The following MYB variants were observed in gnomAD, a reference collection of about 807,000 sequenced individuals.
MYB encodes transcriptional activator Myb.
A neutral mutation model predicts 92.9 loss-of-function variants in MYB; 28 were observed. The observed-to-expected ratio is 0.30, with a 90% confidence interval of 0.22 to 0.41. MYB has a LOEUF of 0.41. Among genes scored for constraint, MYB ranks in the 10% least tolerant of loss-of-function variants. The pLI, the probability that MYB is intolerant of heterozygous loss-of-function variation, is 1.00. For synonymous variants in MYB, 295 were observed against 329.1 expected, an observed-to-expected ratio of 0.90 and a Z score of 1.12; for missense variants, 679 against 929.3, an observed-to-expected ratio of 0.73 and a Z score of 3.50.
chr6:135,209,364 G>A (rs192079340), intron 15 of MYB, among the ~76,000 whole-genome samples: 1 of 152,312 alleles, frequency 6.6e-6, no homozygotes, highest in East Asian at 1.9e-4. Context: ...TTCCCAAGTA[G>A]TTGGGATTAC....
intron 15 of MYB, 58 bp downstream of exon 15, chr6:135,203,382 TTGGTGGTGG>T (rs56247805): frequency 3.6e-6 from 4 of 1,117,630 alleles, no homozygotes; most frequent in East Asian, 2.4e-5. Context: ...ACTGTCATCT[TTGGTGGTGG>T]TGGTGGTGGT....
rs139664263 is a variant in MYB at position 135,209,856 on chromosome 6, A to G, written c.2169+6532A>G. On this transcript the variant is annotated intron_variant, in intron 15 of 15. Transcript: ENST00000341911. ...ATATATGAGATTTTCATGTCATATC[A>G]TTGTCAGTATTCAGCCTTTTCTCCA... Among the ~76,000 whole-genome samples the G allele has an allele frequency of 2.3e-4, 35 of 152,296 alleles. No homozygotes were observed. The East Asian group carries it at 4.8e-3, about 21-fold the overall frequency.
At chr6:135,215,723 G>A (rs927280301) in intron 15 of MYB, among the ~76,000 whole-genome samples, 1 of 151,516 alleles carries the variant, frequency 6.6e-6, no homozygotes, top group Non-Finnish European at 1.5e-5. Context: ...CTGCTATCTC[G>A]CTCCCTGGAT....
intron 15 of MYB, among the ~76,000 whole-genome samples, chr6:135,204,789 T>C (rs9389278): frequency 0.45 from 68,966 of 151,946 alleles, 16,341 homozygotes; most frequent in African/African-American, 0.6. Flanking sequence ...AGGCTGGAGT[T>C]GGCCCCGTGT....
At position 135,208,452 on chromosome 6, in the gene MYB, G is replaced by C. The variant is rs549024702; in HGVS notation, c.2169+5128G>C. Among the ~76,000 whole-genome samples the C allele has an allele frequency of 3.9e-5, 6 of 151,918 alleles. No individual in the cohort carries two copies. In the East Asian group the frequency reaches 1.2e-3, roughly 29 times the overall value. ...GCTGGAGTGCAGTGGCAAGATCATGGCTCACTGCAGCCTACCTCCTGGACT... is the reference window on the plus strand; with the variant it reads ...GCTGGAGTGCAGTGGCAAGATCATGCCTCACTGCAGCCTACCTCCTGGACT... On this transcript the variant is annotated intron_variant, in intron 15 of 15. Transcript: ENST00000341911.
chr6:135,181,633 A>G lies in MYB; in HGVS notation c.23+97A>G. The stretch of plus-strand genomic sequence containing the variant: ...GCAGGTGGGAATTCGTTCCGGGATC[A>G]TCTGAGGGGCTGTCAGACCCTCCGA... On this transcript the variant is annotated intron_variant, in intron 1 of 15. Coordinates refer to ENST00000341911, the MANE Select transcript of MYB (RefSeq NM_001130173.2). This position sits in a 1 kb window ranked among gnomAD's most constrained non-coding sequence, Gnocchi z 5.3. 1 of 903,790 alleles carries G rather than the reference A, an allele frequency of 1.1e-6. No homozygotes were observed. The highest frequency in any genetic ancestry group is 1.4e-6 in the Non-Finnish European group (1 of 713,808). 56.0% of individuals were successfully genotyped at this position (903,790 alleles called of 1,614,324 possible).
At chr6:135,192,739 G>A in intron 6 of MYB, among the ~76,000 whole-genome samples, 181 bp downstream of exon 6, 1 of 152,154 alleles carries the variant, frequency 6.6e-6, no homozygotes. Flanking sequence ...CCTGGTTTAT[G>A]TCTCCAGAAA....
chr6:135,201,797 C>T (rs753162067), intron 14 of MYB, 48 bp downstream of exon 14: 1 of 1,191,850 alleles, frequency 8.4e-7, no homozygotes, highest in South Asian at 2.1e-5. Flanking sequence ...ACACTGGTGC[C>T]TCATGAAATC....
intron 7 of MYB, 95 bp downstream of exon 7, chr6:135,194,013 T>A: frequency 9.9e-7 from 1 of 1,005,646 alleles, no homozygotes; most frequent in Non-Finnish European, 1.5e-6. Context: ...GCAACTAAAG[T>A]AAAAAGGAAA....
At chr6:135,196,900 C>G in intron 9 of MYB, 61 bp from the exon 10 acceptor site, 1 of 1,586,666 alleles carries the variant, frequency 6.3e-7, no homozygotes, top group Non-Finnish European at 8.6e-7. Context: ...TCTCTCAGTG[C>G]TGTTTCAGGT....
Position 135,192,354 on chromosome 6 carries a change from T to C in MYB, c.558T>C (p.Asn186=), listed in dbSNP as rs370008555. 7 of 1,614,100 alleles carry C rather than the reference T, an allele frequency of 4.3e-6. No individual in the cohort carries two copies. In the African/African-American group the frequency reaches 8.0e-5, roughly 18 times the overall value. ...RTDNAIKNHW[N]STMRRKVEQE... ...ATAATGCTATCAAGAACCACTGGAA[T>C]TCTACAATGCGTCGGAAGGTCGAAC... Residue 186 remains asparagine, a synonymous_variant, in exon 6 of 16, where the codon AAT becomes AAC. Coordinates refer to ENST00000341911, the MANE Select transcript of MYB (RefSeq NM_001130173.2).
Position 135,192,473 on chromosome 6 carries a change from C to T in MYB, c.677C>T (p.Ala226Val), listed in dbSNP as rs768694674. The T allele has an allele frequency of 3.7e-6, 6 of 1,614,248 alleles. No individual in the cohort carries two copies. The Admixed American group carries it at 8.3e-5, about 22-fold the overall frequency. ...AGTCATTTGATGGGTTTTGCTCAGG[C>T]TCCGCCTACAGCTCAACTCCCTGCC... ...KNSHLMGFAQ[A>V]PPTAQLPATG... is the part of the protein sequence containing the mutation. The change falls in exon 6 of 16, where the codon GCT becomes GTT. Residue 226 changes from alanine (A) to valine (V), a missense_variant. Physicochemically the swap from Ala to Val is moderately conservative, Grantham distance 64. Coordinates refer to ENST00000341911, the MANE Select transcript of MYB (RefSeq NM_001130173.2).
chr6:135,197,331 A>G lies in MYB; in HGVS notation c.1566+8A>G, dbSNP rs765708928. On this transcript the variant is annotated splice_region_variant and intron_variant, in intron 10 of 15. Coordinates refer to ENST00000341911, the MANE Select transcript of MYB (RefSeq NM_001130173.2). ...CCCTTCTCTCCCTCGCAGGTAGAAC[A>G]CAATTTCTGCACAGCTGTTACTCAT... The G allele has an allele frequency of 3.6e-5, 57 of 1,590,686 alleles. No homozygotes were observed. Among genetic ancestry groups the G allele is most frequent in the Non-Finnish European group, 4.6e-5 (54 of 1,165,052 alleles).
chr6:135,198,808 G>A (rs1777678478), intron 10 of MYB, 100 bp from the exon 11 acceptor site: 1 of 919,194 alleles, frequency 1.1e-6, no homozygotes, highest in Non-Finnish European at 1.6e-6. Flanking sequence ...AATATAGTGG[G>A]TCAGGAAAAC....
At chr6:135,187,161 G>A (rs757747759) in intron 2 of MYB, among the ~76,000 whole-genome samples, 7 of 152,224 alleles carry the variant, frequency 4.6e-5, no homozygotes, top group Non-Finnish European at 8.8e-5. Context: ...TGGTAGGATT[G>A]TGAACAGCAT....
At chr6:135,194,264 T>G in intron 7 of MYB, 92 bp from the exon 8 acceptor site, 1 of 944,590 alleles carries the variant, frequency 1.1e-6, no homozygotes, top group Non-Finnish European at 1.6e-6. Context: ...CTTTGGGCTG[T>G]GCGGCACCTC....
chr6:135,212,558 C>T (rs1779893175), intron 15 of MYB, among the ~76,000 whole-genome samples: 1 of 152,096 alleles, frequency 6.6e-6, no homozygotes, highest in Non-Finnish European at 1.5e-5. Context: ...CTTTGACAGA[C>T]TGTTTATAGT....
chr6:135,213,621 C>A (rs1396319632), intron 15 of MYB, among the ~76,000 whole-genome samples: 1 of 152,144 alleles, frequency 6.6e-6, no homozygotes, highest in African/African-American at 2.4e-5. Flanking sequence ...GTGGCTCATG[C>A]CTGTAATCCC....
At chr6:135,194,297 T>C in intron 7 of MYB, 59 bp from the exon 8 acceptor site, 1 of 1,287,156 alleles carries the variant, frequency 7.8e-7, no homozygotes. Context: ...GCTACACCCA[T>C]TGTATTTGCA....
Sources: gnomAD v4.1 joint callset for allele counts (sites outside exome capture counted in the v4.1 genomes callset) on GRCh38, gnomAD v4.1.1 for gene constraint, Gnocchi (gnomAD v3.1) non-coding constraint, MANE v1.5 for transcripts, NCBI Gene and HGNC (gene_info 2026-07-23, HGNC 2026-07-21) for gene names.